RALGAPA2: variants seen among roughly 807,000 people sequenced by gnomAD.
The protein encoded by RALGAPA2 is Ral GTPase activating protein catalytic subunit alpha 2.
A neutral mutation model predicts 230.4 loss-of-function variants in RALGAPA2; 139 were observed. That is an observed-to-expected ratio of 0.60 (90% CI 0.53 to 0.69). The LOEUF (loss-of-function observed/expected upper bound fraction) is 0.69. Ranked by LOEUF, RALGAPA2 falls within the 30% of genes least tolerant of loss-of-function variation. RALGAPA2 has a pLI of 0.00. For synonymous variants in RALGAPA2, 847 were observed against 837.8 expected (o/e 1.01, Z -0.19); for missense variants, 2,163 against 2,276.0 (o/e 0.95, Z 1.01).
chr20:20,415,715 T>C (rs746552630), intron 37 of RALGAPA2, among the ~76,000 whole-genome samples: 10 of 152,240 alleles, frequency 6.6e-5, no homozygotes, highest in Non-Finnish European at 1.3e-4. Flanking sequence ...AGCAAGATTC[T>C]GTCTCTAGAA....
At chr20:20,621,378 T>C (rs1401588843) in intron 10 of RALGAPA2, among the ~76,000 whole-genome samples, 4 of 152,066 alleles carry the variant, frequency 2.6e-5, no homozygotes, top group African/African-American at 4.8e-5. Context: ...TTCACTGATG[T>C]CATGGTGTTG....
intron 36 of RALGAPA2, among the ~76,000 whole-genome samples, chr20:20,473,587 T>A (rs1359769982): frequency 6.6e-6 from 1 of 152,138 alleles, no homozygotes; most frequent in Non-Finnish European, 1.5e-5. Context: ...GGCTCAAGCA[T>A]CCTCCCACCT....
rs539844160 is a variant in RALGAPA2 at position 20,673,478 on chromosome 20, C to T, written c.270+2758G>A. On this transcript the variant is annotated intron_variant, in intron 3 of 39. Coordinates refer to ENST00000202677, the MANE Select transcript of RALGAPA2 (RefSeq NM_020343.4). Reference sequence around the variant, plus strand: ...GGGATTATGACTCTCCAAAGAGATGCTTCTTTGCCAATACATTTTAAAACT... The same window carrying T: ...GGGATTATGACTCTCCAAAGAGATGTTTCTTTGCCAATACATTTTAAAACT... Among the ~76,000 whole-genome samples, 40 of 152,022 alleles carry T rather than the reference C, an allele frequency of 2.6e-4. No individual in the cohort carries two copies. The South Asian group carries it at 6.2e-3, about 24-fold the overall frequency.
intron 2 of RALGAPA2, among the ~76,000 whole-genome samples, chr20:20,678,142 A>G (rs756545477): frequency 3.3e-5 from 5 of 152,186 alleles, no homozygotes; most frequent in Non-Finnish European, 7.3e-5. Context: ...GATAGAGCCA[A>G]TAACTCCGGA....
At chr20:20,657,712 C>T (rs2067638480) in intron 3 of RALGAPA2, among the ~76,000 whole-genome samples, 2 of 152,152 alleles carry the variant, frequency 1.3e-5, no homozygotes, top group Admixed American at 6.6e-5. Context: ...GTCCTATTAT[C>T]TCACGCATTC....
rs761764539 is a variant in RALGAPA2 at position 20,680,659 on chromosome 20, G to GT, written c.217+31dup. The GT allele has an allele frequency of 3.1e-5, 46 of 1,501,568 alleles. 1 individual carries two copies. Among genetic ancestry groups the GT allele is most frequent in the East Asian group, 4.9e-5 (2 of 40,860 alleles). The allele number at this position is 1,501,568 out of a possible 1,614,324, so 93.0% of individuals were successfully genotyped here. On this transcript the variant is annotated intron_variant, in intron 2 of 39. Transcript: ENST00000202677. ...ATACAACTTATAAAAATGCCCGAAT[G>GT]TTTTTTAAAAAAAAACTACTGAAAT...
At position 20,496,041 on chromosome 20, in the gene RALGAPA2, G is replaced by A. The variant is rs530570833; in HGVS notation, c.5209-766C>T. On this transcript the variant is annotated intron_variant, in intron 35 of 39. Transcript: ENST00000202677. ...TGAGTAGCAGTGGCAGAGTGGGCCC[G>A]GGACATGCACTGGGGCTTCCAATTC... Among the ~76,000 whole-genome samples, 7 of 152,270 alleles carry A rather than the reference G, an allele frequency of 4.6e-5. No homozygotes were observed. The South Asian group carries it at 8.3e-4, about 18-fold the overall frequency.
chr20:20,700,879 T>C (rs952353560), intron 1 of RALGAPA2, among the ~76,000 whole-genome samples: 3 of 152,358 alleles, frequency 2.0e-5, no homozygotes, highest in Non-Finnish European at 2.9e-5. Flanking sequence ...TTCTGACTGA[T>C]GAAAACAAGC....
intron 1 of RALGAPA2, among the ~76,000 whole-genome samples, chr20:20,692,100 T>C (rs2068933100): frequency 6.6e-6 from 1 of 152,302 alleles, no homozygotes; most frequent in Non-Finnish European, 1.5e-5. Flanking sequence ...CCATGCTTCT[T>C]GTATAGCCTG....
In RALGAPA2 at chr20:20,546,724, G is replaced by A. The variant is rs6112935; in HGVS notation, c.3265C>T (p.Leu1089Phe). 2 of 1,608,288 alleles carry A rather than the reference G, an allele frequency of 1.2e-6. No homozygotes were observed. Among genetic ancestry groups the A allele is most frequent in the South Asian group, 2.2e-5 (2 of 89,982 alleles). The change falls in exon 24 of 40, where the codon CTT (leucine) becomes TTT (phenylalanine). Residue 1089 changes from leucine (L) to phenylalanine (F), a missense_variant. Physicochemically the swap from Leu to Phe is conservative, Grantham distance 22 (BLOSUM62 0). Transcript: ENST00000202677. The part of the protein sequence containing the change: ...GDFITAAARV[L>F]STDILTAPRS... ...CTCACCGTCAAAATGTCTGTGCTAA[G>A]GACCCTGGCAGCGGCCGTGATGAAG...
intron 38 of RALGAPA2, among the ~76,000 whole-genome samples, chr20:20,402,638 A>G (rs1602265230): frequency 6.6e-6 from 1 of 152,222 alleles, no homozygotes; most frequent in East Asian, 1.9e-4. Flanking sequence ...CAGAACACCT[A>G]TTGTATAAGC....
At chr20:20,570,715 A>C (rs919602088) in intron 23 of RALGAPA2, among the ~76,000 whole-genome samples, 6 of 152,106 alleles carry the variant, frequency 3.9e-5, no homozygotes, top group African/African-American at 1.4e-4. Flanking sequence ...TCCTACTATC[A>C]CATTTTCAAA....
intron 23 of RALGAPA2, among the ~76,000 whole-genome samples, chr20:20,553,720 G>C (rs2063997084): frequency 6.6e-6 from 1 of 152,170 alleles, no homozygotes; most frequent in Non-Finnish European, 1.5e-5. Context: ...ACAGCATCAA[G>C]ATTTCAGGAG....
intron 38 of RALGAPA2, among the ~76,000 whole-genome samples, chr20:20,410,967 G>A (rs2060048214): frequency 6.6e-6 from 1 of 152,210 alleles, no homozygotes; most frequent in Admixed American, 6.5e-5. Context: ...AAAGCTCTGA[G>A]AGGCAAGGAT....
chr20:20,497,671 T>C (rs1187163462), intron 35 of RALGAPA2, among the ~76,000 whole-genome samples: 1 of 152,228 alleles, frequency 6.6e-6, no homozygotes, highest in Admixed American at 6.5e-5. Flanking sequence ...CCATTTCAAA[T>C]TGGGTTACTC....
At chr20:20,605,647 T>G (rs923166606) in intron 14 of RALGAPA2, among the ~76,000 whole-genome samples, 1 of 152,198 alleles carries the variant, frequency 6.6e-6, no homozygotes, top group African/African-American at 2.4e-5. Context: ...ATTGTTCTAG[T>G]GTCTGCAGCT....
At chr20:20,399,537 A>T (rs1018533416) in intron 38 of RALGAPA2, among the ~76,000 whole-genome samples, 1 of 152,226 alleles carries the variant, frequency 6.6e-6, no homozygotes, top group African/African-American at 2.4e-5. Flanking sequence ...ACTGTGGCCA[A>T]CTGGCGGCTC....
At chr20:20,601,274 A>G (rs2065642955) in intron 16 of RALGAPA2, among the ~76,000 whole-genome samples, 1 of 152,324 alleles carries the variant, frequency 6.6e-6, no homozygotes, top group Admixed American at 6.5e-5. Flanking sequence ...AAAAAATGAA[A>G]ATGTCTATCC....
At position 20,509,461 on chromosome 20, in the gene RALGAPA2, AT is replaced by A. The variant is rs141787951; in HGVS notation, c.4928+1792del. Among the ~76,000 whole-genome samples, 1,334 of 152,322 alleles carry A rather than the reference AT, an allele frequency of 8.8e-3. 19 individuals carry two copies. The highest frequency in any genetic ancestry group is 0.03 in the African/African-American group (1,264 of 41,566). On this transcript the variant is annotated intron_variant, in intron 33 of 39. Transcript: ENST00000202677. ...ATTTTAATTTTGTGTTTTTAAAAAA[AT>A]GTCTGCATATTTGATACTGAAATAT... is the stretch of plus-strand genomic sequence containing the variant.
Sources: gnomAD v4.1 joint callset for allele counts (sites outside exome capture counted in the v4.1 genomes callset) on GRCh38, gnomAD v4.1.1 for gene constraint, MANE v1.5 for transcripts, NCBI Gene and HGNC (gene_info 2026-07-23, HGNC 2026-07-21) for gene names.